NCOR1: variants seen among roughly 807,000 people sequenced by gnomAD.
NCOR1 encodes the protein protein phosphatase 1, regulatory subunit 109.
Under a neutral mutation model 288.1 loss-of-function variants are expected in NCOR1, and 63 were observed. The observed-to-expected ratio is 0.22, with a 90% CI of 0.18 to 0.27. The LOEUF (loss-of-function observed/expected upper bound fraction) is 0.27. Ranked by LOEUF, NCOR1 falls within the 10% of genes least tolerant of loss-of-function variation. NCOR1 has a pLI of 1.00. For synonymous variants in NCOR1, 1,007 were observed against 1,065.9 expected (o/e 0.94, Z 1.08); for missense variants, 2,397 against 3,019.2 (o/e 0.79, Z 4.83).
intron 3 of NCOR1, among the ~76,000 whole-genome samples, chr17:16,181,229 G>A (rs1160908746): frequency 0.012 from 1,760 of 150,924 alleles, 37 homozygotes; most frequent in African/African-American, 0.038. Context: ...GTGTGTGTGT[G>A]TGTGTGTGTG....
At chr17:16,047,795 T>C (rs1049322388) in intron 41 of NCOR1, among the ~76,000 whole-genome samples, 2 of 152,196 alleles carry the variant, frequency 1.3e-5, no homozygotes, top group African/African-American at 2.4e-5. Context: ...CCTAATCCAA[T>C]CATGTGGATT....
intron 37 of NCOR1, among the ~76,000 whole-genome samples, chr17:16,059,836 A>G (rs2060353471): frequency 6.6e-6 from 1 of 152,208 alleles, no homozygotes; most frequent in Admixed American, 6.5e-5. Flanking sequence ...CCACCAGGTC[A>G]TGGAAACTGC....
intron 19 of NCOR1, among the ~76,000 whole-genome samples, chr17:16,105,251 C>T (rs1404295293): frequency 6.6e-6 from 1 of 151,982 alleles, no homozygotes; most frequent in Non-Finnish European, 1.5e-5. Flanking sequence ...TGTCTCTACA[C>T]AAAATAAAAA....
intron 3 of NCOR1, among the ~76,000 whole-genome samples, chr17:16,182,555 T>C (rs2085706105): frequency 6.6e-6 from 1 of 152,134 alleles, no homozygotes; most frequent in African/African-American, 2.4e-5. Context: ...CCCGGGTTCA[T>C]GCCATTCTCC....
At chr17:16,070,125 G>A in intron 31 of NCOR1, 40 bp downstream of exon 31, 1 of 1,427,642 alleles carries the variant, frequency 7.0e-7, no homozygotes, top group Non-Finnish European at 9.3e-7. Context: ...TTTTTTAAAT[G>A]CAATAAAAAG....
intron 19 of NCOR1, among the ~76,000 whole-genome samples, chr17:16,106,954 G>T (rs375424430): frequency 7.5e-6 from 1 of 133,932 alleles, no homozygotes; most frequent in Non-Finnish European, 1.5e-5. Context: ...GTGCAGTGGC[G>T]TGATCTCAGC....
Position 16,130,949 on chromosome 17 carries a change from A to G in NCOR1, c.1510-4743T>C, listed in dbSNP as rs924215922. Among the ~76,000 whole-genome samples, 12 of 151,068 alleles carry G rather than the reference A, an allele frequency of 7.9e-5. No individual in the cohort carries two copies. In the East Asian group the frequency reaches 1.9e-3, roughly 25 times the overall value. The stretch of plus-strand genomic sequence containing the variant: ...AGTGATTTGCCCACCTCAGCCTCCC[A>G]AAGTGCTGGGACTTTAGGCATAAGC... On this transcript the variant is annotated intron_variant, in intron 14 of 45. Transcript: ENST00000268712.
At chr17:16,098,566 T>C in intron 20 of NCOR1, 70 bp from the exon 21 acceptor site, 2 of 1,381,852 alleles carry the variant, frequency 1.4e-6, no homozygotes, top group Non-Finnish European at 2.0e-6. Context: ...TCACTATAAG[T>C]TCTTCTAAGT....
At position 16,064,902 on chromosome 17, in the gene NCOR1, G is replaced by T. The variant is rs1305827175; in HGVS notation, c.5069C>A (p.Pro1690His). The T allele has an allele frequency of 2.2e-5, 35 of 1,613,366 alleles. No individual in the cohort carries two copies. The highest frequency in any genetic ancestry group is 3.0e-5 in the Non-Finnish European group (35 of 1,179,510). ...CATGGAAGCAGAGTTGTACGGCCTGGGAGGGAAAGTAATCTGTGTACCAGG... is the reference window on the plus strand; with the variant it reads ...CATGGAAGCAGAGTTGTACGGCCTGTGAGGGAAAGTAATCTGTGTACCAGG... ...YIPGTQITFP[P>H]RPYNSASMSP... Residue 1690 changes from proline to histidine, a missense_variant, in exon 34 of 46, where the codon CCC becomes CAC. Pro to His is a moderately conservative substitution (Grantham distance 77). Transcript: ENST00000268712.
rs116672580 is a variant in NCOR1 at position 16,086,948 on chromosome 17, G to C, written c.3017-506C>G. Among the ~76,000 whole-genome samples, 632 of 152,286 alleles carry C rather than the reference G, an allele frequency of 4.2e-3. 7 individuals carry two copies. Among genetic ancestry groups the C allele is most frequent in the African/African-American group, 0.015 (610 of 41,572 alleles). On this transcript the variant is annotated intron_variant, in intron 22 of 45. Transcript: ENST00000268712. Reference sequence around the variant, plus strand: ...ACAAATTCATGTACTCTTCTTAAAGGAAGAGCCAGTCAATGTCACAGTATA... The same window carrying C: ...ACAAATTCATGTACTCTTCTTAAAGCAAGAGCCAGTCAATGTCACAGTATA...
At chr17:16,154,272 T>C (rs1323975992) in intron 6 of NCOR1, among the ~76,000 whole-genome samples, 1 of 152,168 alleles carries the variant, frequency 6.6e-6, no homozygotes, top group Non-Finnish European at 1.5e-5. Context: ...TCTATCAATA[T>C]TTTGGCAACA....
intron 2 of NCOR1, among the ~76,000 whole-genome samples, 153 bp downstream of exon 2, chr17:16,194,309 C>T (rs542563440): frequency 3.0e-4 from 45 of 151,956 alleles, no homozygotes; most frequent in Middle Eastern, 6.8e-3. Flanking sequence ...TAATTAATTC[C>T]CAATCTTTGG....
rs755467081 is a variant in NCOR1 at position 16,039,450 on chromosome 17, T to C, written c.6938A>G (p.Asp2313Gly). The change falls in exon 44 of 46, where the codon GAC becomes GGC. Residue 2313 changes from aspartate to glycine, a missense_variant. Transcript: ENST00000268712. ...AGCTGTACCTGAATGAGGTGATGGG[T>C]CCCCTTCCTCTCTTCGTGTCTCACC... Reference protein sequence around the residue: ...TSGETRREEGDPSPHSGGVCK... With the variant: ...TSGETRREEGGPSPHSGGVCK... 1 of 1,613,890 alleles carries C rather than the reference T, an allele frequency of 6.2e-7. No homozygotes were observed. Among genetic ancestry groups the C allele is most frequent in the Non-Finnish European group, 8.5e-7 (1 of 1,179,988 alleles).
intron 14 of NCOR1, among the ~76,000 whole-genome samples, chr17:16,129,201 GCCT>G (rs1249023722): frequency 1.3e-5 from 2 of 151,912 alleles, no homozygotes; most frequent in Non-Finnish European, 2.9e-5. Context: ...AATCACAATT[GCCT>G]CCTCATTAGC....
intron 45 of NCOR1, among the ~76,000 whole-genome samples, chr17:16,032,845 A>C (rs1972467014): frequency 6.6e-6 from 1 of 152,218 alleles, no homozygotes; most frequent in Non-Finnish European, 1.5e-5. Context: ...AGAGAAATGC[A>C]AGAGTATAGT....
chr17:16,144,700 A>C (rs1470944510), intron 10 of NCOR1, among the ~76,000 whole-genome samples: 1 of 152,036 alleles, frequency 6.6e-6, no homozygotes, highest in Non-Finnish European at 1.5e-5. Flanking sequence ...CAGTTTCAAG[A>C]AACAATAGCT....
At chr17:16,170,545 T>A (rs911916721) in intron 4 of NCOR1, among the ~76,000 whole-genome samples, 2 of 151,936 alleles carry the variant, frequency 1.3e-5, no homozygotes, top group Non-Finnish European at 2.9e-5. Context: ...TTGAAAAAGG[T>A]AAACATAGGC....
At position 16,035,653 on chromosome 17, in the gene NCOR1, C is replaced by G. The variant is rs568264319; in HGVS notation, c.6956-709G>C. 6.6e-5 allele frequency among the ~76,000 whole-genome samples: 10 copies of G among 151,904 alleles called. 1 individual carries two copies. The South Asian group carries it at 1.3e-3, about 19-fold the overall frequency. On this transcript the variant is annotated intron_variant, in intron 44 of 45. Coordinates refer to ENST00000268712, the MANE Select transcript of NCOR1 (RefSeq NM_006311.4). ...CAACTTCTTGGGCTCAAGCAATCCT[C>G]CCACCTCAGACCCAAGTAGCTGGGA...
At chr17:16,184,936 T>C (rs1437221318) in intron 3 of NCOR1, among the ~76,000 whole-genome samples, 3 of 149,040 alleles carry the variant, frequency 2.0e-5, no homozygotes, top group African/African-American at 7.4e-5. Flanking sequence ...TGAAGGACAT[T>C]ATGCTATGTG....
Sources: gnomAD v4.1 joint callset for allele counts (sites outside exome capture counted in the v4.1 genomes callset) on GRCh38, gnomAD v4.1.1 for gene constraint, MANE v1.5 for transcripts, NCBI Gene and HGNC (gene_info 2026-07-23, HGNC 2026-07-21) for gene names.